The following MRTFB variants were observed in gnomAD, a reference collection of about 807,000 sequenced individuals.
The protein encoded by MRTFB is myocardin related transcription factor B.
In MRTFB, 29 loss-of-function variants were observed where a neutral mutation model predicts 104.2. That is an observed-to-expected ratio of 0.28 (90% CI 0.21 to 0.38). MRTFB has a LOEUF of 0.38. Among genes scored for constraint, MRTFB ranks in the 10% least tolerant of loss-of-function variants. MRTFB has a pLI of 1.00. For missense variants in MRTFB, 1,270 were observed against 1,341.6 expected, an observed-to-expected ratio of 0.95 and a Z score of 0.83; for synonymous variants, 535 against 519.5, an observed-to-expected ratio of 1.03 and a Z score of -0.41.
intron 2 of MRTFB, among the ~76,000 whole-genome samples, chr16:14,109,217 A>G (rs1446602091): frequency 1.3e-5 from 2 of 152,164 alleles, no homozygotes; most frequent in Non-Finnish European, 2.9e-5. Flanking sequence ...CTTCCTTTCT[A>G]AAGTTTAAGC....
rs754135621 is a variant in MRTFB, at chr16:14,251,854, C to T, written c.2404-8C>T. 1 of 1,612,940 alleles carries T rather than the reference C, an allele frequency of 6.2e-7. No individual in the cohort carries two copies. Among genetic ancestry groups the T allele is most frequent in the East Asian group, 2.2e-5 (1 of 44,876 alleles). On this transcript the variant is annotated splice_region_variant and splice_polypyrimidine_tract_variant and intron_variant, in intron 13 of 16. Transcript: ENST00000571589. The stretch of plus-strand genomic sequence containing the variant: ...ACAAATTAATGGAGAAACATTTATT[C>T]ATTACAGGTTTTCACAAACTCAGCA...
upstream of MRTFB, among the ~76,000 whole-genome samples, chr16:14,069,327 C>A (rs1277827006): frequency 6.6e-6 from 1 of 150,638 alleles, no homozygotes; most frequent in Non-Finnish European, 1.5e-5. Context: ...AGTTCTCAGG[C>A]CTGTAGCCTC....
intron 3 of MRTFB, chr16:14,143,628 A>C (rs1194328688): frequency 6.6e-6 from 1 of 151,788 alleles, no homozygotes; most frequent in African/African-American, 2.4e-5. Context: ...GTCATTTAAC[A>C]TTAGATATAT....
chr16:14,044,334 G>A, the MRTFB span, among the ~76,000 whole-genome samples: 1 of 152,222 alleles, frequency 6.6e-6, no homozygotes, highest in South Asian at 2.1e-4. Context: ...AGACAGTGGG[G>A]TGGAAGGCAG....
chr16:14,188,818 T>C (rs1048255511), intron 3 of MRTFB, among the ~76,000 whole-genome samples: 2 of 152,240 alleles, frequency 1.3e-5, no homozygotes, highest in Non-Finnish European at 2.9e-5. Flanking sequence ...TCTTGCTTTT[T>C]TCGTATTTCT....
intron 2 of MRTFB, among the ~76,000 whole-genome samples, chr16:14,125,976 A>T (rs1488434212): frequency 6.6e-6 from 1 of 152,214 alleles, no homozygotes; most frequent in Non-Finnish European, 1.5e-5. Flanking sequence ...ACTTTCAAGG[A>T]CTACACTCAA....
chr16:14,109,312 A>G (rs1352461941), intron 2 of MRTFB, among the ~76,000 whole-genome samples: 1 of 152,200 alleles, frequency 6.6e-6, no homozygotes, highest in African/African-American at 2.4e-5. Flanking sequence ...TTAGTCACAA[A>G]AGAGAATGTC....
intron 3 of MRTFB, among the ~76,000 whole-genome samples, chr16:14,182,911 G>T (rs377544674): frequency 2.0e-5 from 3 of 152,240 alleles, no homozygotes; most frequent in African/African-American, 7.2e-5. Flanking sequence ...CATGTAAAGA[G>T]AATTTTTTTT....
intron 7 of MRTFB, among the ~76,000 whole-genome samples, chr16:14,218,177 A>G (rs1313000562): frequency 6.6e-6 from 1 of 152,080 alleles, no homozygotes; most frequent in Non-Finnish European, 1.5e-5. Flanking sequence ...CTCCTGCCTC[A>G]GCCTCCCAAG....
At chr16:14,036,585 G>T in the MRTFB span, among the ~76,000 whole-genome samples, 2 of 144,680 alleles carry the variant, frequency 1.4e-5, no homozygotes, top group Admixed American at 7.1e-5. Flanking sequence ...TCATATATAT[G>T]TTGAAATATA....
chr16:14,066,894 C>T (rs1596670637), upstream of MRTFB, among the ~76,000 whole-genome samples: 1 of 151,350 alleles, frequency 6.6e-6, no homozygotes, highest in African/African-American at 2.4e-5. Flanking sequence ...TGGTCTCAAA[C>T]TCCTGGCCTC....
At chr16:14,212,885 T>G (rs918304476) in intron 5 of MRTFB, among the ~76,000 whole-genome samples, 1 of 152,216 alleles carries the variant, frequency 6.6e-6, no homozygotes, top group African/African-American at 2.4e-5. Context: ...CTTTATTCTT[T>G]AAGATGGCAC....
chr16:14,021,514 T>G, the MRTFB span, among the ~76,000 whole-genome samples: 1 of 152,192 alleles, frequency 6.6e-6, no homozygotes, highest in Non-Finnish European at 1.5e-5. Flanking sequence ...GATTTTGGTG[T>G]GCCCATCAAC....
chr16:14,157,485 G>C (rs573683153), intron 3 of MRTFB, among the ~76,000 whole-genome samples: 1 of 152,290 alleles, frequency 6.6e-6, no homozygotes, highest in East Asian at 1.9e-4. Context: ...AGTGGTTTAA[G>C]GTTCCCACCT....
intron 3 of MRTFB, among the ~76,000 whole-genome samples, chr16:14,201,712 G>C (rs916531029): frequency 2.6e-5 from 4 of 152,112 alleles, no homozygotes; most frequent in Admixed American, 1.3e-4. Flanking sequence ...TGAGCTAATA[G>C]AGCTTTTACC....
chr16:14,249,123 A>G (rs781041079), intron 13 of MRTFB, 42 bp downstream of exon 13: 8 of 1,598,630 alleles, frequency 5.0e-6, no homozygotes, highest in Admixed American at 1.7e-5. Flanking sequence ...GCTGATTTTT[A>G]CCATCCTCCG....
At chr16:14,146,380 A>G (rs981754208) in intron 3 of MRTFB, among the ~76,000 whole-genome samples, 1 of 152,222 alleles carries the variant, frequency 6.6e-6, no homozygotes, top group Non-Finnish European at 1.5e-5. Flanking sequence ...ACGTTACTGC[A>G]GTTGTTAGGG....
the MRTFB span, chr16:14,013,342 T>A: frequency 6.6e-6 from 1 of 152,198 alleles, no homozygotes; most frequent in Non-Finnish European, 1.5e-5. Context: ...TCTTTTAGAA[T>A]CTAACTTCTT....
At chr16:14,017,667 T>TGG in the MRTFB span, among the ~76,000 whole-genome samples, 1 of 49,308 alleles carries the variant, frequency 2.0e-5, no homozygotes, top group Non-Finnish European at 3.7e-5. Context: ...GTGTGTGTAT[T>TGG]TGTGTGTGTG....
Sources: gnomAD v4.1 joint callset for allele counts (sites outside exome capture counted in the v4.1 genomes callset) on GRCh38, gnomAD v4.1.1 for gene constraint, MANE v1.5 for transcripts, NCBI Gene and HGNC (gene_info 2026-07-23, HGNC 2026-07-21) for gene names.